The following CTNND2 variants were observed in gnomAD, a reference collection of about 807,000 sequenced individuals.
The protein encoded by CTNND2 is catenin delta 2, also known as catenin delta-2.
A neutral mutation model predicts 144.4 loss-of-function variants in CTNND2; 22 were observed. The ratio of observed to expected loss-of-function variants is 0.15; its 90% CI spans 0.11 to 0.22. CTNND2 has a LOEUF of 0.22. Ranked by LOEUF, CTNND2 falls within the 10% of genes least tolerant of loss-of-function variation. The probability of loss-of-function intolerance (pLI) is 1.00; values close to 1 mark genes in which losing one functional copy is unlikely to be tolerated. For synonymous variants in CTNND2, 751 were observed against 695.6 expected (o/e 1.08, Z -1.25); for missense variants, 1,353 against 1,618.8 (o/e 0.84, Z 2.82).
intron 4 of CTNND2, among the ~76,000 whole-genome samples, 162 bp downstream of exon 4, chr5:11,411,873 T>A (rs1761566981): frequency 6.6e-6 from 1 of 152,226 alleles, no homozygotes; most frequent in Non-Finnish European, 1.5e-5. Context: ...TTGAAAGATT[T>A]AACTCTCAAT....
chr5:11,384,435 T>C lies in CTNND2; in HGVS notation c.1177+230A>G. On this transcript the variant is annotated intron_variant, in intron 7 of 21. Coordinates refer to ENST00000304623, the MANE Select transcript of CTNND2 (RefSeq NM_001332.4). The surrounding 1 kb of genome is among the most constrained non-coding windows in gnomAD (Gnocchi z 5.2). Reference sequence around the variant, plus strand: ...GAGAAGAGAGGAGAGAAGAGAGTGATATAGGTGTTAGAGATTGAGACACCA... The same window carrying C: ...GAGAAGAGAGGAGAGAAGAGAGTGACATAGGTGTTAGAGATTGAGACACCA... 1 of 567,770 alleles carries C rather than the reference T, an allele frequency of 1.8e-6. No homozygotes were observed. The highest frequency in any genetic ancestry group is 3.1e-6 in the Non-Finnish European group (1 of 321,240). The allele number at this position is 567,770 out of a possible 1,614,324, so 35.2% of individuals were successfully genotyped here.
chr5:11,801,091 A>G (rs189386120), intron 1 of CTNND2, among the ~76,000 whole-genome samples: 4 of 152,344 alleles, frequency 2.6e-5, no homozygotes, highest in Admixed American at 6.5e-5. Context: ...CTGTTCTTCC[A>G]TAATTATCTT....
rs937672565 is a variant in CTNND2 at position 11,385,194 on chromosome 5, G to C, written c.648C>G (p.Pro216=). 47 of 1,050,686 alleles carry C rather than the reference G, an allele frequency of 4.5e-5. No individual in the cohort carries two copies. The highest frequency in any genetic ancestry group is 5.4e-5 in the Non-Finnish European group (47 of 873,746). 65.1% of individuals were successfully genotyped at this position (1,050,686 alleles called of 1,614,324 possible). A position where few individuals can be genotyped will look rare whatever the true frequency, so the allele number is the denominator to read the frequency against. ...GCGGCGGCGGCGGCGGCGCGGGCTC[G>C]GGCCCCGCCAGGTGGCCGGCGCGGC... ...TTSRAGHLAG[P]EPAPPPPPPP... Residue 216 remains proline, a synonymous_variant, in exon 7 of 22, where the codon CCC becomes CCG. Coordinates refer to ENST00000304623, the MANE Select transcript of CTNND2 (RefSeq NM_001332.4).
At chr5:11,630,744 G>T (rs934246543) in intron 2 of CTNND2, among the ~76,000 whole-genome samples, 11 of 152,024 alleles carry the variant, frequency 7.2e-5, no homozygotes, top group Admixed American at 1.3e-4. Flanking sequence ...CTGAGGTCAG[G>T]AGTTTGAGAC....
At chr5:11,013,178 T>G (rs893466626) in intron 18 of CTNND2, among the ~76,000 whole-genome samples, 1 of 152,162 alleles carries the variant, frequency 6.6e-6, no homozygotes, top group African/African-American at 2.4e-5. Flanking sequence ...ATCCGTAAGA[T>G]CTCCTTGTTT....
At chr5:11,316,464 ATT>A (rs113458951) in intron 9 of CTNND2, among the ~76,000 whole-genome samples, 3 of 60,248 alleles carry the variant, frequency 5.0e-5, no homozygotes, top group Admixed American at 5.4e-4. Context: ...CTTATCCACT[ATT>A]TTTTATTATT....
At chr5:11,009,925 G>A (rs1308723517) in intron 18 of CTNND2, among the ~76,000 whole-genome samples, 1 of 152,184 alleles carries the variant, frequency 6.6e-6, no homozygotes, top group African/African-American at 2.4e-5. Flanking sequence ...AGGAGACCTT[G>A]TGAAGAAAGA....
rs1231709689 is a variant in CTNND2 at position 11,904,280 on chromosome 5, CCG to C, written c.-429_-428del. Among the ~76,000 whole-genome samples, 1 of 146,056 alleles carries C rather than the reference CCG, an allele frequency of 6.8e-6. No individual in the cohort carries two copies. Among genetic ancestry groups the C allele is most frequent in the East Asian group, 2.0e-4 (1 of 4,962 alleles). Reference sequence around the variant, plus strand: ...GCGCCGAGCGCTCCCGAGCTGCGCCCCGCGCGCGGCCCGCGCCACCTGTGCCG... The same window carrying C: ...GCGCCGAGCGCTCCCGAGCTGCGCCCCGCGCGGCCCGCGCCACCTGTGCCG... On this transcript the variant is annotated 5_prime_UTR_variant, in exon 1 of 22. Transcript: ENST00000304623. This position sits in a 1 kb window ranked among gnomAD's most constrained non-coding sequence, Gnocchi z 4.2.
At chr5:11,765,240 G>T (rs1257517954) in intron 1 of CTNND2, among the ~76,000 whole-genome samples, 2 of 152,204 alleles carry the variant, frequency 1.3e-5, no homozygotes, top group East Asian at 3.9e-4. Flanking sequence ...GTTAGACTGG[G>T]ATGGTAAGGT....
At chr5:11,313,893 G>A (rs1751239705) in intron 9 of CTNND2, among the ~76,000 whole-genome samples, 1 of 152,130 alleles carries the variant, frequency 6.6e-6, no homozygotes, top group South Asian at 2.1e-4. Flanking sequence ...GGAGCAAGAG[G>A]AAGAGCGAGC....
intron 2 of CTNND2, among the ~76,000 whole-genome samples, chr5:11,599,998 T>C (rs1439531020): frequency 6.6e-6 from 1 of 152,190 alleles, no homozygotes; most frequent in Non-Finnish European, 1.5e-5. Context: ...TCCCAAATAT[T>C]GAGACCACAA....
intron 2 of CTNND2, among the ~76,000 whole-genome samples, chr5:11,695,019 A>G (rs576560747): frequency 6.6e-6 from 1 of 152,222 alleles, no homozygotes; most frequent in Non-Finnish European, 1.5e-5. Flanking sequence ...ATGTCTTTCA[A>G]TGAATGTTGT....
rs117173961 is a variant in CTNND2 at position 11,726,974 on chromosome 5, C to T, written c.174+5162G>A. 2.2e-3 allele frequency among the ~76,000 whole-genome samples: 338 copies of T among 152,246 alleles called. 7 individuals are homozygous for T. In the East Asian group the frequency reaches 0.049, roughly 22 times the overall value. On this transcript the variant is annotated intron_variant, in intron 2 of 21. Transcript: ENST00000304623. ...AACTTAGAGTAACTAACAGAATACA[C>T]ATAAGAGAGCATCAGGAAGCAGGGG...
chr5:11,713,071 T>C (rs1350570999), intron 2 of CTNND2, among the ~76,000 whole-genome samples: 1 of 152,208 alleles, frequency 6.6e-6, no homozygotes. Flanking sequence ...GAACATAGGA[T>C]ATTCCTCTCC....
At chr5:11,319,612 T>G (rs1046360280) in intron 9 of CTNND2, among the ~76,000 whole-genome samples, 8 of 152,114 alleles carry the variant, frequency 5.3e-5, no homozygotes, top group Admixed American at 1.3e-4. Context: ...CTTCTGCCTC[T>G]TCTGTTCAAG....
rs553903662 is a variant in CTNND2, at chr5:11,534,530, G to A, written c.287+30414C>T. On this transcript the variant is annotated intron_variant, in intron 3 of 21. Coordinates refer to ENST00000304623, the MANE Select transcript of CTNND2 (RefSeq NM_001332.4). ...TGAGGCAGGAGAATCGCTTGAACCC[G>A]GGAGGTGGAGGCTGCAGTGAGCTAG... Among the ~76,000 whole-genome samples the A allele has an allele frequency of 7.9e-5, 12 of 151,842 alleles. 1 individual carries two copies. The South Asian group carries it at 2.1e-3, about 26-fold the overall frequency.
intron 3 of CTNND2, among the ~76,000 whole-genome samples, chr5:11,556,359 T>C (rs1393738740): frequency 2.0e-5 from 3 of 152,198 alleles, no homozygotes; most frequent in African/African-American, 7.2e-5. Flanking sequence ...TATTTCAATA[T>C]TGTATCCTGC....
At chr5:11,725,253 A>G (rs951619751) in intron 2 of CTNND2, among the ~76,000 whole-genome samples, 1 of 152,208 alleles carries the variant, frequency 6.6e-6, no homozygotes, top group Admixed American at 6.5e-5. Context: ...ATTTTCAACT[A>G]AAGTAAGAAT....
intron 9 of CTNND2, among the ~76,000 whole-genome samples, chr5:11,295,945 A>G (rs1378480969): frequency 2.0e-5 from 3 of 152,166 alleles, no homozygotes; most frequent in Admixed American, 6.6e-5. Flanking sequence ...TGTCTGAAAC[A>G]CCAAAAGCAA....
Sources: gnomAD v4.1 joint callset for allele counts (sites outside exome capture counted in the v4.1 genomes callset) on GRCh38, gnomAD v4.1.1 for gene constraint, Gnocchi (gnomAD v3.1) non-coding constraint, MANE v1.5 for transcripts, NCBI Gene and HGNC (gene_info 2026-07-23, HGNC 2026-07-21) for gene names.